The following KCND2 variants were observed in gnomAD, a reference collection of about 807,000 sequenced individuals.
The protein encoded by KCND2 is A-type voltage-gated potassium channel KCND2.
Under a neutral mutation model 54.4 loss-of-function variants are expected in KCND2, and 16 were observed. That is an observed-to-expected ratio of 0.29 (90% CI 0.20 to 0.45). The LOEUF (loss-of-function observed/expected upper bound fraction) is 0.45. Among genes scored for constraint, KCND2 ranks in the 20% least tolerant of loss-of-function variants. KCND2 has a pLI of 1.00. For synonymous variants in KCND2, 317 were observed against 310.7 expected (o/e 1.02, Z -0.21); for missense variants, 486 against 824.2 (o/e 0.59, Z 5.02).
chr7:120,601,745 A>G (rs1203867398), intron 1 of KCND2, among the ~76,000 whole-genome samples: 1 of 152,184 alleles, frequency 6.6e-6, no homozygotes, highest in Non-Finnish European at 1.5e-5. Flanking sequence ...ACCCTGACCA[A>G]TTCTTTCTAC....
At chr7:120,598,832 T>C (rs562508244) in intron 1 of KCND2, among the ~76,000 whole-genome samples, 1 of 152,352 alleles carries the variant, frequency 6.6e-6, no homozygotes, top group African/African-American at 2.4e-5. Context: ...AACATTTAGA[T>C]AGGCAAATAA....
chr7:120,516,685 G>A (rs984097005), intron 1 of KCND2, among the ~76,000 whole-genome samples: 3 of 152,060 alleles, frequency 2.0e-5, no homozygotes, highest in South Asian at 2.1e-4. Context: ...GCCAAACTCC[G>A]TTAATAAAAA....
At chr7:120,700,229 G>T (rs749168507) in intron 1 of KCND2, among the ~76,000 whole-genome samples, 127 of 152,202 alleles carry the variant, frequency 8.3e-4, no homozygotes, top group Non-Finnish European at 1.5e-3. Context: ...GTGAAAAGAG[G>T]GTTACTGTTT....
At position 120,680,499 on chromosome 7, in the gene KCND2, A is replaced by G. The variant is rs531846339; in HGVS notation, c.1116-52404A>G. On this transcript the variant is annotated intron_variant, in intron 1 of 5. Transcript: ENST00000331113. ...ATAACAAATATTAGTGAATGAATAA[A>G]TCAAACTGTAAAGCAGGATAACATA... 3.3e-5 allele frequency among the ~76,000 whole-genome samples: 5 copies of G among 152,288 alleles called. No homozygotes were observed. In the South Asian group the frequency reaches 8.3e-4, roughly 25 times the overall value.
intron 1 of KCND2, among the ~76,000 whole-genome samples, chr7:120,315,648 C>T (rs1480373857): frequency 6.6e-6 from 1 of 152,050 alleles, no homozygotes; most frequent in African/African-American, 2.4e-5. Flanking sequence ...AAGTCAGTCA[C>T]TTGAAATAGT....
At chr7:120,575,020 G>C (rs760908444) in intron 1 of KCND2, among the ~76,000 whole-genome samples, 5 of 151,840 alleles carry the variant, frequency 3.3e-5, no homozygotes, top group East Asian at 1.9e-4. Context: ...AATAAACAAC[G>C]ACTCTTATAG....
At chr7:120,344,081 T>G (rs926655155) in intron 1 of KCND2, among the ~76,000 whole-genome samples, 3 of 152,156 alleles carry the variant, frequency 2.0e-5, no homozygotes, top group African/African-American at 7.2e-5. Flanking sequence ...TTCAAAATTG[T>G]TAAGAAAGGA....
intron 1 of KCND2, among the ~76,000 whole-genome samples, chr7:120,311,061 T>C (rs1221756855): frequency 1.3e-5 from 2 of 152,138 alleles, no homozygotes; most frequent in Non-Finnish European, 2.9e-5. Context: ...TAGTGAAGTA[T>C]ATATTACAGT....
chr7:120,730,780 C>G (rs535915690), intron 1 of KCND2, among the ~76,000 whole-genome samples: 3 of 152,172 alleles, frequency 2.0e-5, no homozygotes, highest in Non-Finnish European at 4.4e-5. Flanking sequence ...TTCTGTCTCT[C>G]TCAACAGTTT....
intron 1 of KCND2, among the ~76,000 whole-genome samples, chr7:120,514,810 T>C (rs559774606): frequency 6.6e-6 from 1 of 152,088 alleles, no homozygotes; most frequent in East Asian, 1.9e-4. Context: ...TCACCTGTAG[T>C]TCACTATAGG....
At chr7:120,370,170 G>C in intron 1 of KCND2, among the ~76,000 whole-genome samples, 1 of 152,012 alleles carries the variant, frequency 6.6e-6, no homozygotes, top group East Asian at 1.9e-4. Flanking sequence ...TAGAGCAATG[G>C]TCCTAAAGTA....
intron 1 of KCND2, among the ~76,000 whole-genome samples, chr7:120,477,769 A>G (rs975682523): frequency 1.3e-5 from 2 of 152,148 alleles, no homozygotes; most frequent in African/African-American, 4.8e-5. Flanking sequence ...ACTTGAGTTG[A>G]CTGAAGTAAG....
intron 1 of KCND2, among the ~76,000 whole-genome samples, chr7:120,642,728 G>C (rs118066766): frequency 0.011 from 1,637 of 152,084 alleles, 9 homozygotes; most frequent in Non-Finnish European, 0.015. Context: ...AACTACTTCA[G>C]GATTTACAAA....
intron 4 of KCND2, 27 bp from the exon 5 acceptor site, chr7:120,745,753 C>A (rs1792997786): frequency 1.2e-6 from 2 of 1,612,818 alleles, no homozygotes; most frequent in Non-Finnish European, 1.7e-6. Context: ...TTCTCTGTTT[C>A]TTCATTTACT....
intron 1 of KCND2, among the ~76,000 whole-genome samples, chr7:120,510,355 A>G (rs1421857969): frequency 1.3e-5 from 2 of 152,110 alleles, no homozygotes; most frequent in Non-Finnish European, 2.9e-5. Flanking sequence ...AAGATTACCA[A>G]TTATGAAGTA....
At chr7:120,502,328 A>G (rs1387428741) in intron 1 of KCND2, among the ~76,000 whole-genome samples, 1 of 151,896 alleles carries the variant, frequency 6.6e-6, no homozygotes, top group East Asian at 1.9e-4. Context: ...CCTTTTGTTA[A>G]CTAAGATTTC....
chr7:120,734,474 A>G (rs957599477), intron 2 of KCND2, among the ~76,000 whole-genome samples: 1 of 152,132 alleles, frequency 6.6e-6, no homozygotes, highest in African/African-American at 2.4e-5. Context: ...ATACCTGTTA[A>G]GTTGGAGATC....
At position 120,339,502 on chromosome 7, in the gene KCND2, G is replaced by A. The variant is rs551205010; in HGVS notation, c.1115+63755G>A. ...ACAGATTTCCAATTCTCTTTAGAAG[G>A]CTGTGTGTGTGTGTGTGTGTGTGTG... is the stretch of plus-strand genomic sequence containing the variant. On this transcript the variant is annotated intron_variant, in intron 1 of 5. Transcript: ENST00000331113. Among the ~76,000 whole-genome samples the A allele has an allele frequency of 3.7e-5, 5 of 134,296 alleles. No individual in the cohort carries two copies. The East Asian group carries it at 1.0e-3, about 27-fold the overall frequency. The allele number at this position is 134,296 out of a possible 152,430, so 88.1% of individuals were successfully genotyped here. A position where few individuals can be genotyped will look rare whatever the true frequency, so the allele number is the denominator to read the frequency against.
At chr7:120,421,750 T>A (rs553814222) in intron 1 of KCND2, among the ~76,000 whole-genome samples, 18 of 152,248 alleles carry the variant, frequency 1.2e-4, no homozygotes, top group Non-Finnish European at 2.5e-4. Flanking sequence ...CTAGTCATCA[T>A]TTCAGGCTGT....
Sources: gnomAD v4.1 joint callset for allele counts (sites outside exome capture counted in the v4.1 genomes callset) on GRCh38, gnomAD v4.1.1 for gene constraint, MANE v1.5 for transcripts, NCBI Gene and HGNC (gene_info 2026-07-23, HGNC 2026-07-21) for gene names.